Variants in C19orf73 observed in about 807,000 individuals in gnomAD.
C19orf73 encodes chromosome 19 open reading frame 73.
For missense variants in C19orf73, 211 were observed against 177.6 expected (o/e 1.19, Z -1.07); for synonymous variants, 86 against 79.1 (o/e 1.09, Z -0.46).
chr19:49,119,116 C>G lies in C19orf73; in HGVS notation c.-94G>C, dbSNP rs2040889531. 6.5e-7 allele frequency: 1 copy of G among 1,548,576 alleles called. No homozygotes were observed. The highest frequency in any genetic ancestry group is 1.4e-5 in the African/African-American group (1 of 73,250). ...GGGTCGCGACTCGCGTTCCACGCCG[C>G]GCGCTACTCGCTCCAGGTGACATCA... On this transcript the variant is annotated 5_prime_UTR_variant, in exon 1 of 1. Transcript: ENST00000408991.
At position 49,118,488 on chromosome 19, in the gene C19orf73, C is replaced by A; in HGVS notation, c.*145G>T. On this transcript the variant is annotated 3_prime_UTR_variant, in exon 1 of 1. Transcript: ENST00000408991. ...GAGTGTCTGTGTGTCTGTCCTGCAT[C>A]CCTGGGTTGGTGTCTTGAGATGTGG... 1.3e-6 allele frequency: 2 copies of A among 1,566,958 alleles called. No individual in the cohort carries two copies. Among genetic ancestry groups the A allele is most frequent in the Non-Finnish European group, 1.8e-6 (2 of 1,138,766 alleles).
chr19:49,118,858 T>C lies in C19orf73; in HGVS notation c.165A>G (p.Thr55=). The C allele has an allele frequency of 6.2e-7, 1 of 1,613,218 alleles. No individual in the cohort carries two copies. Among genetic ancestry groups the C allele is most frequent in the East Asian group, 2.2e-5 (1 of 44,864 alleles). Reference sequence around the variant, plus strand: ...GGGGGAACCCTGCAGGCCGCACTACTGTCTGCGTGGGAGTCGCGGGTGGGG... The same window carrying C: ...GGGGGAACCCTGCAGGCCGCACTACCGTCTGCGTGGGAGTCGCGGGTGGGG... ...AAPPPATPTQ[T]VVRPAGFPRR... The change falls in exon 1 of 1, where the codon ACA becomes ACG. Residue 55 remains threonine, a synonymous_variant. Coordinates refer to ENST00000408991, the MANE Select transcript of C19orf73 (RefSeq NM_018111.3).
In C19orf73 at chr19:49,118,825, C is replaced by T. The variant is rs771526011; in HGVS notation, c.198G>A (p.Thr66=). ...GCGGGGCGGAGCGAACCATTAGCCTCGTCCGCCGGGGGAACCCTGCAGGCC... is the reference window on the plus strand; with the variant it reads ...GCGGGGCGGAGCGAACCATTAGCCTTGTCCGCCGGGGGAACCCTGCAGGCC... ...VVRPAGFPRR[T]RLMVRSAPPT... Residue 66 remains threonine (T), a synonymous_variant, in exon 1 of 1, where the codon ACG becomes ACA. Coordinates refer to ENST00000408991, the MANE Select transcript of C19orf73 (RefSeq NM_018111.3). 5.0e-6 allele frequency: 8 copies of T among 1,613,920 alleles called. No individual in the cohort carries two copies. In the East Asian group the frequency reaches 6.7e-5, roughly 13 times the overall value.
At position 49,118,974 on chromosome 19, in the gene C19orf73, C is replaced by T. The variant is rs747321629; in HGVS notation, c.49G>A (p.Ala17Thr). 15 of 1,613,564 alleles carry T rather than the reference C, an allele frequency of 9.3e-6. No homozygotes were observed. Among genetic ancestry groups the T allele is most frequent in the Non-Finnish European group, 1.3e-5 (15 of 1,179,858 alleles). Residue 17 changes from alanine (A) to threonine (T), a missense_variant, in exon 1 of 1, where the codon GCG becomes ACG. By Grantham distance (58) the Ala-to-Thr change is moderately conservative. Coordinates refer to ENST00000408991, the MANE Select transcript of C19orf73 (RefSeq NM_018111.3). ...CTCACTCCACCTTCCAAACACAGCG[C>T]GTCTTTCCGGAAGCAGCCCCCGCCT... ...FQGGGCFRKD[A>T]LCLEGGVSAR...
chr19:49,119,073 C>G lies in C19orf73; in HGVS notation c.-51G>C. 1 of 1,606,832 alleles carries G rather than the reference C, an allele frequency of 6.2e-7. No homozygotes were observed. The highest frequency in any genetic ancestry group is 8.5e-7 in the Non-Finnish European group (1 of 1,176,516). On this transcript the variant is annotated 5_prime_UTR_variant, in exon 1 of 1. Coordinates refer to ENST00000408991, the MANE Select transcript of C19orf73 (RefSeq NM_018111.3). ...CCCGTGCGGCGCGAGGGCTAGTGCG[C>G]GCCACTGCCGGGAGCCGGGGTCGCG...
At position 49,118,569 on chromosome 19, in the gene C19orf73, C is replaced by A. The variant is rs1032592216; in HGVS notation, c.*64G>T. On this transcript the variant is annotated 3_prime_UTR_variant, in exon 1 of 1. Transcript: ENST00000408991. ...GCCGTTGAGAAGCCTTTTCCAGAGT[C>A]TGAGAACAGAGGTTAAGACCTCTCC... 1 of 1,573,860 alleles carries A rather than the reference C, an allele frequency of 6.4e-7. No individual in the cohort carries two copies. Among genetic ancestry groups the A allele is most frequent in the African/African-American group, 1.4e-5 (1 of 73,954 alleles).
chr19:49,119,054 C>CG lies in C19orf73; in HGVS notation c.-33dup. 6.2e-7 allele frequency: 1 copy of CG among 1,612,164 alleles called. No individual in the cohort carries two copies. The highest frequency in any genetic ancestry group is 8.5e-7 in the Non-Finnish European group (1 of 1,179,242). On this transcript the variant is annotated 5_prime_UTR_variant, in exon 1 of 1. Coordinates refer to ENST00000408991, the MANE Select transcript of C19orf73 (RefSeq NM_018111.3). The stretch of plus-strand genomic sequence containing the variant: ...GCCCGCCCAGCCCTCGTGTCCCGTG[C>CG]GGCGCGAGGGCTAGTGCGCGCCACT...
In C19orf73 at chr19:49,118,733, C is replaced by T. The variant is rs2232002; in HGVS notation, c.290G>A (p.Arg97His). 2.4e-4 allele frequency: 391 copies of T among 1,614,198 alleles called. 1 individual carries two copies. The African/African-American group carries it at 3.9e-3, about 16-fold the overall frequency. The change falls in exon 1 of 1, where the codon CGC (arginine) becomes CAC (histidine). Residue 97 changes from arginine to histidine, a missense_variant. Physicochemically the swap from Arg to His is conservative, Grantham distance 29 (BLOSUM62 0). Coordinates refer to ENST00000408991, the MANE Select transcript of C19orf73 (RefSeq NM_018111.3). ...SGLWRKGLGL[R>H]PQTLLRVGSV... ...GCCTACCCTTAAGAGCGTCTGAGGG[C>T]GAAGGCCAAGTCCCTTCCTCCAGAG...
In C19orf73 at chr19:49,118,971, G is replaced by A. The variant is rs1373740588; in HGVS notation, c.52C>T (p.Leu18=). ...QGGGCFRKDA[L]CLEGGVSARW... is the part of the protein sequence containing the mutation. ...GCGCTCACTCCACCTTCCAAACACA[G>A]CGCGTCTTTCCGGAAGCAGCCCCCG... The change falls in exon 1 of 1, where the codon CTG becomes TTG. Residue 18 remains leucine, a synonymous_variant. Coordinates refer to ENST00000408991, the MANE Select transcript of C19orf73 (RefSeq NM_018111.3). 4 of 1,613,566 alleles carry A rather than the reference G, an allele frequency of 2.5e-6. No individual in the cohort carries two copies. Among genetic ancestry groups the A allele is most frequent in the Non-Finnish European group, 3.4e-6 (4 of 1,179,850 alleles).
At position 49,119,116 on chromosome 19, in the gene C19orf73, C is replaced by A; in HGVS notation, c.-94G>T. On this transcript the variant is annotated 5_prime_UTR_variant, in exon 1 of 1. Coordinates refer to ENST00000408991, the MANE Select transcript of C19orf73 (RefSeq NM_018111.3). ...GGGTCGCGACTCGCGTTCCACGCCGCGCGCTACTCGCTCCAGGTGACATCA... is the reference window on the plus strand; with the variant it reads ...GGGTCGCGACTCGCGTTCCACGCCGAGCGCTACTCGCTCCAGGTGACATCA... The A allele has an allele frequency of 6.5e-7, 1 of 1,548,694 alleles. No individual in the cohort carries two copies. The highest frequency in any genetic ancestry group is 8.8e-7 in the Non-Finnish European group (1 of 1,138,520).
In C19orf73 at chr19:49,119,124, T is replaced by C; in HGVS notation, c.-102A>G. On this transcript the variant is annotated 5_prime_UTR_variant, in exon 1 of 1. Coordinates refer to ENST00000408991, the MANE Select transcript of C19orf73 (RefSeq NM_018111.3). ...ACTCGCGTTCCACGCCGCGCGCTACTCGCTCCAGGTGACATCATCCCCCTG... is the reference window on the plus strand; with the variant it reads ...ACTCGCGTTCCACGCCGCGCGCTACCCGCTCCAGGTGACATCATCCCCCTG... 1 of 1,526,002 alleles carries C rather than the reference T, an allele frequency of 6.6e-7. No individual in the cohort carries two copies. 94.5% of individuals were successfully genotyped at this position (1,526,002 alleles called of 1,614,324 possible). A position where few individuals can be genotyped will look rare whatever the true frequency, so the allele number is the denominator to read the frequency against.
In C19orf73 at chr19:49,118,606, G is replaced by C. The variant is rs1434325456; in HGVS notation, c.*27C>G. 1 of 1,594,242 alleles carries C rather than the reference G, an allele frequency of 6.3e-7. No individual in the cohort carries two copies. The highest frequency in any genetic ancestry group is 8.6e-7 in the Non-Finnish European group (1 of 1,168,672). On this transcript the variant is annotated 3_prime_UTR_variant, in exon 1 of 1. Coordinates refer to ENST00000408991, the MANE Select transcript of C19orf73 (RefSeq NM_018111.3). ...GTTAAGACCTCTCCCTAGGTCTGAA[G>C]GCGGAGACAGGCCGGCTTCCAAGAG...
At position 49,118,726 on chromosome 19, in the gene C19orf73, C is replaced by T. The variant is rs958245401; in HGVS notation, c.297G>A (p.Gln99=). The part of the protein sequence containing the change: ...LWRKGLGLRP[Q]TLLRVGSVVL... Reference sequence around the variant, plus strand: ...CAACGCTGCCTACCCTTAAGAGCGTCTGAGGGCGAAGGCCAAGTCCCTTCC... The same window carrying T: ...CAACGCTGCCTACCCTTAAGAGCGTTTGAGGGCGAAGGCCAAGTCCCTTCC... The change falls in exon 1 of 1, where the codon CAG becomes CAA. Residue 99 remains glutamine (Q), a synonymous_variant. Coordinates refer to ENST00000408991, the MANE Select transcript of C19orf73 (RefSeq NM_018111.3). 2.5e-6 allele frequency: 4 copies of T among 1,614,052 alleles called. No homozygotes were observed. The highest frequency in any genetic ancestry group is 1.7e-5 in the Admixed American group (1 of 60,008).
chr19:49,118,732 G>A lies in C19orf73; in HGVS notation c.291C>T (p.Arg97=). The change falls in exon 1 of 1, where the codon CGC becomes CGT. Residue 97 remains arginine (R), a synonymous_variant. Transcript: ENST00000408991. The part of the protein sequence containing the change: ...SGLWRKGLGL[R]PQTLLRVGSV... Reference sequence around the variant, plus strand: ...TGCCTACCCTTAAGAGCGTCTGAGGGCGAAGGCCAAGTCCCTTCCTCCAGA... The same window carrying A: ...TGCCTACCCTTAAGAGCGTCTGAGGACGAAGGCCAAGTCCCTTCCTCCAGA... 3 of 1,614,234 alleles carry A rather than the reference G, an allele frequency of 1.9e-6. No individual in the cohort carries two copies. Among genetic ancestry groups the A allele is most frequent in the Non-Finnish European group, 2.5e-6 (3 of 1,180,024 alleles).
Sources: allele counts gnomAD v4.1 joint callset, GRCh38; gene constraint gnomAD v4.1.1; transcripts MANE v1.5; gene names NCBI Gene and HGNC (gene_info 2026-07-23, HGNC 2026-07-21).